The following TBC1D5 variants were observed in gnomAD, a reference collection of about 807,000 sequenced individuals.
The protein encoded by TBC1D5 is TBC1 domain family, member 5.
Under a neutral mutation model 100.3 loss-of-function variants are expected in TBC1D5, and 75 were observed. The observed-to-expected ratio is 0.75, with a 90% CI of 0.62 to 0.91. The LOEUF (loss-of-function observed/expected upper bound fraction) is 0.91. Ranked by LOEUF, TBC1D5 falls within the 40% of genes least tolerant of loss-of-function variation. The pLI is 0.00. For synonymous variants in TBC1D5, 323 were observed against 325.6 expected (o/e 0.99, Z 0.09); for missense variants, 910 against 942.4 (o/e 0.97, Z 0.45).
chr3:17,205,962 C>G (rs758562316), intron 18 of TBC1D5, among the ~76,000 whole-genome samples: 3 of 152,090 alleles, frequency 2.0e-5, no homozygotes, highest in Non-Finnish European at 4.4e-5. Flanking sequence ...CAACAAATTT[C>G]CTCATTTGAT....
intron 3 of TBC1D5, among the ~76,000 whole-genome samples, chr3:17,442,615 G>GT (rs1316669587): frequency 3.3e-5 from 5 of 152,160 alleles, no homozygotes; most frequent in Non-Finnish European, 7.3e-5. Flanking sequence ...CTCCTCACCT[G>GT]TACATGCTCA....
intron 6 of TBC1D5, 21 bp from the exon 7 acceptor site, chr3:17,404,789 A>G (rs2093727106): frequency 6.2e-7 from 1 of 1,600,056 alleles, no homozygotes; most frequent in Middle Eastern, 1.7e-4. Flanking sequence ...AAGAGAAAAC[A>G]CACACACAAG....
intron 2 of TBC1D5, among the ~76,000 whole-genome samples, chr3:17,514,452 C>T (rs1476857977): frequency 6.6e-6 from 1 of 152,040 alleles, no homozygotes; most frequent in Non-Finnish European, 1.5e-5. Flanking sequence ...AGGTATAAGA[C>T]TACAATAAGG....
intron 2 of TBC1D5, among the ~76,000 whole-genome samples, chr3:17,607,602 C>G (rs1560268583): frequency 6.6e-6 from 1 of 151,698 alleles, no homozygotes; most frequent in Non-Finnish European, 1.5e-5. Flanking sequence ...CCCTTTTAGT[C>G]CCCTATTCAG....
At chr3:17,485,702 T>C (rs2095556789) in intron 3 of TBC1D5, among the ~76,000 whole-genome samples, 1 of 152,102 alleles carries the variant, frequency 6.6e-6, no homozygotes, top group Non-Finnish European at 1.5e-5. Context: ...TAGTATTCCA[T>C]GATGTATATG....
At chr3:17,591,267 C>CAAAAAAAAAAAAAAAAA (rs370530999) in intron 2 of TBC1D5, among the ~76,000 whole-genome samples, 1 of 78,304 alleles carries the variant, frequency 1.3e-5, no homozygotes, top group Admixed American at 1.7e-4. Flanking sequence ...AAAAAAAAAA[C>CAAAAAAAAAAAAAAAAA]AAAAACCCCA....
intron 21 of TBC1D5, among the ~76,000 whole-genome samples, chr3:17,164,776 T>C (rs2066425836): frequency 6.6e-6 from 1 of 152,188 alleles, no homozygotes; most frequent in Non-Finnish European, 1.5e-5. Context: ...TCCTTGGGCT[T>C]TGCAGTGGAA....
chr3:17,250,170 C>T (rs2077064879), intron 16 of TBC1D5, among the ~76,000 whole-genome samples: 3 of 152,310 alleles, frequency 2.0e-5, no homozygotes, highest in South Asian at 4.1e-4. Flanking sequence ...CTATTTTTCT[C>T]TTACATTACA....
At chr3:17,201,542 T>C (rs1306239471) in intron 18 of TBC1D5, among the ~76,000 whole-genome samples, 1 of 152,198 alleles carries the variant, frequency 6.6e-6, no homozygotes, top group Non-Finnish European at 1.5e-5. Context: ...CCAAATCTCA[T>C]TTGGATTTTC....
chr3:17,207,443 A>C lies in TBC1D5; in HGVS notation c.1752+6764T>G, dbSNP rs546454097. ...AAAATAATAGTACTAACAATAATGAAGTGAGGTCAATTTTAAAACTTTCTA... is the reference window on the plus strand; with the variant it reads ...AAAATAATAGTACTAACAATAATGACGTGAGGTCAATTTTAAAACTTTCTA... On this transcript the variant is annotated intron_variant, in intron 18 of 21. Coordinates refer to ENST00000253692, the Ensembl canonical transcript of TBC1D5. Among the ~76,000 whole-genome samples, 120 of 152,334 alleles carry C rather than the reference A, an allele frequency of 7.9e-4. 2 individuals carry two copies. The South Asian group carries it at 0.012, about 16-fold the overall frequency.
At chr3:17,648,536 T>C (rs546551838) in intron 1 of TBC1D5, among the ~76,000 whole-genome samples, 8 of 152,140 alleles carry the variant, frequency 5.3e-5, no homozygotes, top group Admixed American at 1.3e-4. Flanking sequence ...ACAGAGTAAA[T>C]AGACAACGTA....
At chr3:17,430,265 AAT>A (rs1229245111) in intron 3 of TBC1D5, among the ~76,000 whole-genome samples, 1 of 151,770 alleles carries the variant, frequency 6.6e-6, no homozygotes, top group Non-Finnish European at 1.5e-5. Context: ...ATACATTTAA[AAT>A]ATGAGCTTCT....
intron 2 of TBC1D5, among the ~76,000 whole-genome samples, chr3:17,563,931 C>T (rs531698123): frequency 9.9e-4 from 151 of 152,228 alleles, no homozygotes; most frequent in Non-Finnish European, 1.6e-3. Flanking sequence ...TACAAGCGCC[C>T]GCCACCATGC....
At chr3:17,406,037 G>C (rs2093760942) in intron 5 of TBC1D5, among the ~76,000 whole-genome samples, 1 of 151,892 alleles carries the variant, frequency 6.6e-6, no homozygotes, top group African/African-American at 2.4e-5. Context: ...GAAGAAAAAA[G>C]GGAAGATAAC....
Position 17,207,191 on chromosome 3 carries a change from A to C in TBC1D5, c.1752+7016T>G, listed in dbSNP as rs577478763. On this transcript the variant is annotated intron_variant, in intron 18 of 21. Coordinates refer to ENST00000253692, the Ensembl canonical transcript of TBC1D5. ...TATACTCTATTTTTTGTATACTTTA[A>C]CCTTAGCAAAGATATTCTTAGAAAA... 2.7e-4 allele frequency among the ~76,000 whole-genome samples: 41 copies of C among 152,260 alleles called. No homozygotes were observed. The South Asian group carries it at 7.1e-3, about 26-fold the overall frequency.
At chr3:17,628,214 C>CA (rs1560318771) in intron 1 of TBC1D5, among the ~76,000 whole-genome samples, 1 of 151,808 alleles carries the variant, frequency 6.6e-6, no homozygotes, top group Admixed American at 6.6e-5. Context: ...ACTAAAAATA[C>CA]AAAAAATTAG....
chr3:17,713,435 G>C (rs2074944781), intron 1 of TBC1D5, among the ~76,000 whole-genome samples: 1 of 151,732 alleles, frequency 6.6e-6, no homozygotes, highest in African/African-American at 2.4e-5. Context: ...GTACAGACAG[G>C]GTTTCACCAT....
At chr3:17,160,479 A>G (rs996303630) in exon 22 of TBC1D5, 2 of 156,294 alleles carry the variant, frequency 1.3e-5, no homozygotes, top group Admixed American at 1.2e-4. Context: ...AAGTAGGCTG[A>G]GACAGATTTC....
At chr3:17,352,425 T>C (rs1375174786) in intron 13 of TBC1D5, among the ~76,000 whole-genome samples, 1 of 152,032 alleles carries the variant, frequency 6.6e-6, no homozygotes, top group African/African-American at 2.4e-5. Flanking sequence ...TTCTACATTA[T>C]TTTTTAAAAT....
Sources: gnomAD v4.1 joint callset for allele counts (sites outside exome capture counted in the v4.1 genomes callset) on GRCh38, gnomAD v4.1.1 for gene constraint, MANE v1.5 for transcripts, NCBI Gene and HGNC (gene_info 2026-07-23, HGNC 2026-07-21) for gene names.